EIF3B: variants seen among roughly 807,000 people sequenced by gnomAD.
EIF3B encodes the protein eukaryotic translation initiation factor 3 subunit B.
Under a neutral mutation model 104.6 loss-of-function variants are expected in EIF3B, and 10 were observed. The ratio of observed to expected loss-of-function variants is 0.10; its 90% confidence interval spans 0.06 to 0.16. The LOEUF (loss-of-function observed/expected upper bound fraction) is 0.16. Among genes scored for constraint, EIF3B ranks in the 10% least tolerant of loss-of-function variants. The pLI is 1.00. For missense variants in EIF3B, 1,014 were observed against 1,087.9 expected (o/e 0.93, Z 0.96); for synonymous variants, 542 against 417.2 (o/e 1.30, Z -3.65).
At chr7:2,355,474 C>T in intron 1 of EIF3B, 54 bp downstream of exon 1, 1 of 1,398,738 alleles carries the variant, frequency 7.1e-7, no homozygotes, top group East Asian at 2.9e-5. Flanking sequence ...GGCTGGGGTT[C>T]CCGAGGTGGG....
chr7:2,376,830 C>G, intron 14 of EIF3B, 120 bp from the exon 15 acceptor site: 1 of 1,431,020 alleles, frequency 7.0e-7, no homozygotes. Flanking sequence ...TCAGCACAGG[C>G]AGAGCTTTGT....
chr7:2,374,620 C>A lies in EIF3B; in HGVS notation c.1889+14C>A. The A allele has an allele frequency of 6.2e-7, 1 of 1,612,884 alleles. No individual in the cohort carries two copies. The highest frequency in any genetic ancestry group is 8.5e-7 in the Non-Finnish European group (1 of 1,178,976). ...GGGCCTGAGGAGGTAGGTGTCTGCG[C>A]TCTGAGCCTGTCCGCCCTGTGAGTA... On this transcript the variant is annotated intron_variant, in intron 13 of 18. Transcript: ENST00000360876.
intron 3 of EIF3B, 96 bp from the exon 4 acceptor site, chr7:2,362,974 G>T (rs988247119): frequency 1.5e-5 from 23 of 1,499,022 alleles, no homozygotes; most frequent in Admixed American, 5.0e-5. Context: ...CTGGGGGCGG[G>T]CAGGCAGGAG....
At chr7:2,372,971 C>T (rs779122477) in intron 12 of EIF3B, 176 bp downstream of exon 12, 6 of 520,694 alleles carry the variant, frequency 1.2e-5, no homozygotes, top group Non-Finnish European at 1.9e-5. Flanking sequence ...GAGGTGCCGC[C>T]TCCTTGCAGG....
intron 6 of EIF3B, among the ~76,000 whole-genome samples, chr7:2,365,714 C>T (rs1488720499): frequency 1.4e-5 from 2 of 140,654 alleles, no homozygotes; most frequent in Non-Finnish European, 3.0e-5. Context: ...TTTCATGCGT[C>T]GCCCAGACTG....
intron 4 of EIF3B, among the ~76,000 whole-genome samples, chr7:2,363,363 G>T (rs575011438): frequency 1.1e-3 from 165 of 152,158 alleles, no homozygotes; most frequent in Middle Eastern, 0.01. Context: ...GGAGGCTGAG[G>T]GGGGAGGATC....
chr7:2,355,413 C>A lies in EIF3B; in HGVS notation c.492C>A (p.Ser164Arg). The change falls in exon 1 of 19, where the codon AGC becomes AGA. Residue 164 changes from serine to arginine, a missense_variant. Ser to Arg is a moderately radical substitution (Grantham distance 110). Coordinates refer to ENST00000360876, the MANE Select transcript of EIF3B (RefSeq NM_001037283.2). ...SDPEDFVDDV[S>R]EEELLGDVLK... ...CCGAGGACTTCGTGGACGACGTGAG[C>A]GAGGAAGGTGAGGGCGCCCGGGGCG... 1 of 1,462,402 alleles carries A rather than the reference C, an allele frequency of 6.8e-7. No homozygotes were observed. 90.6% of individuals were successfully genotyped at this position (1,462,402 alleles called of 1,614,324 possible).
intron 2 of EIF3B, among the ~76,000 whole-genome samples, 197 bp from the exon 3 acceptor site, chr7:2,362,448 G>T (rs1414573117): frequency 6.6e-6 from 1 of 152,160 alleles, no homozygotes; most frequent in Non-Finnish European, 1.5e-5. Flanking sequence ...GGATCTTCTG[G>T]TTAGGATTTC....
chr7:2,362,187 T>C (rs1369028534), intron 2 of EIF3B, among the ~76,000 whole-genome samples: 1 of 152,070 alleles, frequency 6.6e-6, no homozygotes, highest in African/African-American at 2.4e-5. Flanking sequence ...CTCGAACTCC[T>C]GACCTCAAGT....
At chr7:2,370,430 G>A (rs1780267169) in intron 10 of EIF3B, among the ~76,000 whole-genome samples, 1 of 151,990 alleles carries the variant, frequency 6.6e-6, no homozygotes, top group South Asian at 2.1e-4. Flanking sequence ...TGAACAGAGC[G>A]AGATTGCGCC....
In EIF3B at chr7:2,372,722, G is replaced by A; in HGVS notation, c.1737G>A (p.Val579=). Residue 579 remains valine, a synonymous_variant, in exon 12 of 19, where the codon GTG becomes GTA. Coordinates refer to ENST00000360876, the MANE Select transcript of EIF3B (RefSeq NM_001037283.2). The part of the protein sequence containing the change: ...AWEPNGSKFA[V]LHGEAPRISV... ...AACCAAATGGAAGTAAGTTTGCTGTGCTGCACGGAGAGGCTCCGCGGATAT... is the reference window on the plus strand; with the variant it reads ...AACCAAATGGAAGTAAGTTTGCTGTACTGCACGGAGAGGCTCCGCGGATAT... The A allele has an allele frequency of 6.2e-7, 1 of 1,614,138 alleles. No individual in the cohort carries two copies. Among genetic ancestry groups the A allele is most frequent in the Non-Finnish European group, 8.5e-7 (1 of 1,180,018 alleles).
chr7:2,363,609 T>C (rs754373365), intron 4 of EIF3B, 23 bp from the exon 5 acceptor site: 46 of 1,585,942 alleles, frequency 2.9e-5, no homozygotes, highest in Non-Finnish European at 3.3e-5. Context: ...TGAAATGTTA[T>C]ATTCCTTGTC....
rs752595164 is a variant in EIF3B, at chr7:2,377,045, T to C, written c.2124T>C (p.Pro708=). ...RFCQLLWRPR[P]PTLLSQEQIK... is the part of the protein sequence containing the mutation. ...GCCAGCTGCTGTGGCGGCCCCGGCC[T>C]CCCACACTCCTGAGCCAGGAACAGA... Residue 708 remains proline, a synonymous_variant, in exon 15 of 19, where the codon CCT becomes CCC. Transcript: ENST00000360876. The C allele has an allele frequency of 6.2e-7, 1 of 1,613,590 alleles. No individual in the cohort carries two copies. Among genetic ancestry groups the C allele is most frequent in the South Asian group, 1.1e-5 (1 of 91,064 alleles).
At chr7:2,363,248 T>G (rs2115296063) in intron 4 of EIF3B, 121 bp downstream of exon 4, 2 of 991,876 alleles carry the variant, frequency 2.0e-6, no homozygotes, top group Admixed American at 1.8e-5. Flanking sequence ...AGCCCAGGAA[T>G]TCAAGACCAG....
rs1779321665 is a variant in EIF3B at position 2,355,098 on chromosome 7, G to C, written c.177G>C (p.Glu59Asp). 1.3e-5 allele frequency: 17 copies of C among 1,348,478 alleles called. No homozygotes were observed. The highest frequency in any genetic ancestry group is 1.5e-5 in the Non-Finnish European group (16 of 1,055,506). The allele number at this position is 1,348,478 out of a possible 1,614,324, so 83.5% of individuals were successfully genotyped here. A position where few individuals can be genotyped will look rare whatever the true frequency, so the allele number is the denominator to read the frequency against. The change falls in exon 1 of 19, where the codon GAG (glutamate) becomes GAC (aspartate). Residue 59 changes from glutamate (E) to aspartate (D), a missense_variant. This residue lies in a region of EIF3B where 488 missense variants were observed against 404.3 expected (regional missense o/e 1.21). Coordinates refer to ENST00000360876, the MANE Select transcript of EIF3B (RefSeq NM_001037283.2). ...EASSEEVGIA[E>D]AGPESEVRTE... ...CCAGTGAGGAGGTGGGGATCGCGGA[G>C]GCCGGGCCGGAGTCCGAGGTGAGGA...
chr7:2,374,243 G>C (rs1780516120), intron 12 of EIF3B: 2 of 328,928 alleles, frequency 6.1e-6, no homozygotes, highest in South Asian at 1.1e-4. Context: ...CTGCAGCAGT[G>C]AACATTTGCT....
rs754100862 is a variant in EIF3B, at chr7:2,375,399, G to A, written c.1900G>A (p.Ala634Thr). 1.9e-6 allele frequency: 3 copies of A among 1,614,212 alleles called. No individual in the cohort carries two copies. Among genetic ancestry groups the A allele is most frequent in the Non-Finnish European group, 8.5e-7 (1 of 1,180,024 alleles). The change falls in exon 14 of 19, where the codon GCC (alanine) becomes ACC (threonine). Residue 634 changes from alanine (A) to threonine (T), a missense_variant. Physicochemically the swap from Ala to Thr is moderately conservative, Grantham distance 58. Transcript: ENST00000360876. ...VLAGLRSMNG[A>T]LAFVDTSDCT... ...TGTCTGTCTTTGCAGTATGAACGGT[G>A]CCTTAGCGTTTGTGGACACTTCGGA...
rs1183225655 is a variant in EIF3B, at chr7:2,369,446, T to C, written c.1404-26T>C. 2.5e-6 allele frequency: 4 copies of C among 1,611,550 alleles called. No individual in the cohort carries two copies. The South Asian group carries it at 3.3e-5, about 13-fold the overall frequency. ...TTTCGTCATCACTTGGTCTTTGCTT[T>C]AACATTTTATTTTCCTGTTCTGCAG... On this transcript the variant is annotated intron_variant, in intron 9 of 18. Transcript: ENST00000360876.
chr7:2,363,585 T>C lies in EIF3B; in HGVS notation c.871-47T>C, dbSNP rs769709652. The C allele has an allele frequency of 5.4e-5, 84 of 1,549,350 alleles. No homozygotes were observed. The South Asian group carries it at 8.9e-4, about 16-fold the overall frequency. On this transcript the variant is annotated intron_variant, in intron 4 of 18. Transcript: ENST00000360876. ...AAGAGCAATAGTTGTGAATGAGTTT[T>C]TTATTAAAATTAATGAAATGTTATA...
Sources: allele counts gnomAD v4.1 joint callset (sites outside exome capture counted in the v4.1 genomes callset), GRCh38; gene constraint gnomAD v4.1.1; regional missense constraint gnomAD v4.1.1; transcripts MANE v1.5; gene names NCBI Gene and HGNC (gene_info 2026-07-23, HGNC 2026-07-21).